Variants in INMT observed in about 807,000 individuals in gnomAD.
INMT encodes the protein indolethylamine N-methyltransferase.
Under a neutral mutation model 11.5 loss-of-function variants are expected in INMT, and 11 were observed. The ratio of observed to expected loss-of-function variants is 0.95; its 90% CI spans 0.60 to 1.58. INMT has a LOEUF of 1.58. Ranked by LOEUF, INMT falls within the 40% of genes most tolerant of loss-of-function variation. The pLI, the probability that INMT is intolerant of heterozygous loss-of-function variation, is 0.00. For synonymous variants in INMT, 155 were observed against 142.9 expected, an observed-to-expected ratio of 1.08 and a Z score of -0.60; for missense variants, 316 against 336.1, an observed-to-expected ratio of 0.94 and a Z score of 0.47.
rs1225111579 is a variant in INMT at position 30,756,298 on chromosome 7, C to T, written c.*447C>T. The T allele has an allele frequency of 2.3e-5, 20 of 858,370 alleles. No homozygotes were observed. The highest frequency in any genetic ancestry group is 5.9e-4 in the Middle Eastern group (1 of 1,690). 53.2% of individuals were successfully genotyped at this position (858,370 alleles called of 1,614,324 possible). A position where few individuals can be genotyped will look rare whatever the true frequency, so the allele number is the denominator to read the frequency against. ...TCACCCAGGCTAGAGTGCAATGGCA[C>T]GATCTCGGCTCACTGCAAGCTCTGC... On this transcript the variant is annotated 3_prime_UTR_variant, in exon 3 of 3. Coordinates refer to ENST00000013222, the MANE Select transcript of INMT (RefSeq NM_006774.5).
rs1042960019 is a variant in INMT at position 30,756,134 on chromosome 7, A to T, written c.*283A>T. 8.3e-7 allele frequency: 1 copy of T among 1,210,118 alleles called. No individual in the cohort carries two copies. The highest frequency in any genetic ancestry group is 1.5e-5 in the African/African-American group (1 of 65,700). The allele number at this position is 1,210,118 out of a possible 1,614,324, so 75.0% of individuals were successfully genotyped here. ...CTGTGTGACTGTGGAGCACCCAGGG[A>T]CGTGGTTTTAGAGTCTACCTAATAT... is the stretch of plus-strand genomic sequence containing the variant. On this transcript the variant is annotated 3_prime_UTR_variant, in exon 3 of 3. Coordinates refer to ENST00000013222, the MANE Select transcript of INMT (RefSeq NM_006774.5).
rs1178356645 is a variant in INMT, at chr7:30,754,484, T to TATCC, written c.362+568_362+571dup. On this transcript the variant is annotated intron_variant, in intron 2 of 2. Transcript: ENST00000013222. The surrounding 1 kb of genome is among the most constrained non-coding windows in gnomAD (Gnocchi z 4.9). ...ACCCACCCATCCATTCATCCATCCA[T>TATCC]ATCCATCCATCCATCCATCCATCCA... 6.6e-6 allele frequency among the ~76,000 whole-genome samples: 1 copy of TATCC among 150,466 alleles called. No individual in the cohort carries two copies. Among genetic ancestry groups the TATCC allele is most frequent in the African/African-American group, 2.5e-5 (1 of 40,772 alleles).
In INMT at chr7:30,754,964, T is replaced by C. The variant is rs1211967081; in HGVS notation, c.363-458T>C. The stretch of plus-strand genomic sequence containing the variant: ...TATATCTAAACAATCTATAATTTAG[T>C]TTTAGTCGCCTTTGAGCTTTATAGC... On this transcript the variant is annotated intron_variant, in intron 2 of 2. Transcript: ENST00000013222. The surrounding 1 kb of genome is among the most constrained non-coding windows in gnomAD (Gnocchi z 4.9). Among the ~76,000 whole-genome samples the C allele has an allele frequency of 2.0e-5, 3 of 152,218 alleles. No individual in the cohort carries two copies. Among genetic ancestry groups the C allele is most frequent in the Non-Finnish European group, 4.4e-5 (3 of 68,040 alleles).
chr7:30,755,616 T>C lies in INMT; in HGVS notation c.557T>C (p.Leu186Pro), dbSNP rs1424210202. Residue 186 changes from leucine (L) to proline (P), a missense_variant, in exon 3 of 3, where the codon CTG (leucine) becomes CCG (proline). Physicochemically the swap from Leu to Pro is moderately conservative, Grantham distance 98. Transcript: ENST00000013222. Reference protein sequence around the residue: ...YRAALCNLASLLKPGGHLVTT... With the variant: ...YRAALCNLASPLKPGGHLVTT... ...GCTGCCCTGTGCAACCTTGCCTCAC[T>C]GCTCAAGCCGGGTGGCCACCTGGTG... 1 of 1,614,260 alleles carries C rather than the reference T, an allele frequency of 6.2e-7. No individual in the cohort carries two copies. Among genetic ancestry groups the C allele is most frequent in the Admixed American group, 1.7e-5 (1 of 60,036 alleles).
Position 30,756,920 on chromosome 7 carries a change from G to C in INMT, c.*1069G>C, listed in dbSNP as rs1341086398. 1 of 152,228 alleles carries C rather than the reference G, an allele frequency of 6.6e-6. No homozygotes were observed. Among genetic ancestry groups the C allele is most frequent in the Non-Finnish European group, 1.5e-5 (1 of 68,052 alleles). The allele number at this position is 152,228 out of a possible 1,614,324, so 9.4% of individuals were successfully genotyped here. Reference sequence around the variant, plus strand: ...CACTGCCTCTAGACTAAGGTCAGCAGATTTAGCAAATACAGACTGCCCCAG... The same window carrying C: ...CACTGCCTCTAGACTAAGGTCAGCACATTTAGCAAATACAGACTGCCCCAG... On this transcript the variant is annotated 3_prime_UTR_variant, in exon 3 of 3. Transcript: ENST00000013222.
chr7:30,753,896 G>T lies in INMT; in HGVS notation c.320G>T (p.Trp107Leu), dbSNP rs200124373. 1 of 1,614,162 alleles carries T rather than the reference G, an allele frequency of 6.2e-7. No homozygotes were observed. Among genetic ancestry groups the T allele is most frequent in the Non-Finnish European group, 8.5e-7 (1 of 1,180,034 alleles). ...AAGAAGGAGCCGGGGGCCTATGACT[G>T]GACCCCAGCGGTGAAATTCGCCTGT... ...WLKKEPGAYD[W>L]TPAVKFACEL... Residue 107 changes from tryptophan to leucine, a missense_variant, in exon 2 of 3, where the codon TGG becomes TTG. Physicochemically the swap from Trp to Leu is moderately conservative, Grantham distance 61. Coordinates refer to ENST00000013222, the MANE Select transcript of INMT (RefSeq NM_006774.5).
intron 2 of INMT, 26 bp downstream of exon 2, chr7:30,753,964 G>A: frequency 6.2e-7 from 1 of 1,606,178 alleles, no homozygotes; most frequent in Non-Finnish European, 8.5e-7. Flanking sequence ...TTGGGGAGGG[G>A]GTTCCCAGTC....
chr7:30,753,328 G>A (rs562984198), intron 1 of INMT, among the ~76,000 whole-genome samples: 1 of 152,254 alleles, frequency 6.6e-6, no homozygotes, highest in South Asian at 2.1e-4. Context: ...AACTTAAAGG[G>A]CCACTGACCC....
chr7:30,756,064 T>C lies in INMT; in HGVS notation c.*213T>C. The C allele has an allele frequency of 1.4e-6, 2 of 1,390,816 alleles. No homozygotes were observed. The highest frequency in any genetic ancestry group is 3.4e-5 in the South Asian group (2 of 58,480). The allele number at this position is 1,390,816 out of a possible 1,614,324, so 86.2% of individuals were successfully genotyped here. ...ATCCTAGGAGTGGAATTTTCCATTT[T>C]CTAATATACTAAGCCTTACAGCTAT... On this transcript the variant is annotated 3_prime_UTR_variant, in exon 3 of 3. Coordinates refer to ENST00000013222, the MANE Select transcript of INMT (RefSeq NM_006774.5).
Position 30,757,359 on chromosome 7 carries a change from GA to G in INMT, c.*1509del. On this transcript the variant is annotated 3_prime_UTR_variant, in exon 3 of 3. Coordinates refer to ENST00000013222, the MANE Select transcript of INMT (RefSeq NM_006774.5). ...GTGGGCACACTGGCGCCCAGTAAGA[GA>G]GAGAGAGAGCCAAAGCTGTCCGTTT... is the stretch of plus-strand genomic sequence containing the variant. The G allele has an allele frequency of 4.2e-6, 1 of 240,728 alleles. No homozygotes were observed. Among genetic ancestry groups the G allele is most frequent in the East Asian group, 1.5e-4 (1 of 6,516 alleles). The allele number at this position is 240,728 out of a possible 1,614,324, so 14.9% of individuals were successfully genotyped here.
intron 2 of INMT, among the ~76,000 whole-genome samples, chr7:30,755,154 T>G (rs576583338): frequency 6.6e-6 from 1 of 152,222 alleles, no homozygotes; most frequent in Non-Finnish European, 1.5e-5. Flanking sequence ...GGTGGCTTTG[T>G]CCATCCTGGG....
At position 30,755,478 on chromosome 7, in the gene INMT, A is replaced by T; in HGVS notation, c.419A>T (p.Lys140Met). 1 of 1,602,126 alleles carries T rather than the reference A, an allele frequency of 6.2e-7. No homozygotes were observed. Among genetic ancestry groups the T allele is most frequent in the Non-Finnish European group, 8.5e-7 (1 of 1,179,938 alleles). The change falls in exon 3 of 3, where the codon AAG (lysine) becomes ATG (methionine). Residue 140 changes from lysine to methionine, a missense_variant. Physicochemically the swap from Lys to Met is moderately conservative, Grantham distance 95. Coordinates refer to ENST00000013222, the MANE Select transcript of INMT (RefSeq NM_006774.5). ...KLRAAVKRVL[K>M]CDVHLGNPLA... ...CGGGCAGCGGTGAAGCGGGTGCTCAAGTGCGATGTCCACCTGGGCAACCCG... is the reference window on the plus strand; with the variant it reads ...CGGGCAGCGGTGAAGCGGGTGCTCATGTGCGATGTCCACCTGGGCAACCCG...
chr7:30,755,614 A>G lies in INMT; in HGVS notation c.555A>G (p.Ser185=), dbSNP rs753401696. Residue 185 remains serine, a synonymous_variant, in exon 3 of 3, where the codon TCA becomes TCG. Transcript: ENST00000013222. The part of the protein sequence containing the change: ...AYRAALCNLA[S]LLKPGGHLVT... ...GCGCTGCCCTGTGCAACCTTGCCTCACTGCTCAAGCCGGGTGGCCACCTGG... is the reference window on the plus strand; with the variant it reads ...GCGCTGCCCTGTGCAACCTTGCCTCGCTGCTCAAGCCGGGTGGCCACCTGG... 1 of 1,614,110 alleles carries G rather than the reference A, an allele frequency of 6.2e-7. No individual in the cohort carries two copies. The highest frequency in any genetic ancestry group is 8.5e-7 in the Non-Finnish European group (1 of 1,180,018).
intron 1 of INMT, among the ~76,000 whole-genome samples, chr7:30,752,598 T>C (rs948698874): frequency 1.3e-5 from 2 of 152,074 alleles, no homozygotes; most frequent in Non-Finnish European, 2.9e-5. Flanking sequence ...GCTCTCCAGG[T>C]CATCATCAAG....
At position 30,754,036 on chromosome 7, in the gene INMT, G is replaced by T. The variant is rs897916830; in HGVS notation, c.362+98G>T. On this transcript the variant is annotated intron_variant, in intron 2 of 2. Coordinates refer to ENST00000013222, the MANE Select transcript of INMT (RefSeq NM_006774.5). This position sits in a 1 kb window ranked among gnomAD's most constrained non-coding sequence, Gnocchi z 4.9. ...TGTCTCTGACATTTTCAGGACAGTA[G>T]GACCTTCAGGTATAGGACCAGATGT... is the stretch of plus-strand genomic sequence containing the variant. 2 of 1,220,238 alleles carry T rather than the reference G, an allele frequency of 1.6e-6. No homozygotes were observed. Among genetic ancestry groups the T allele is most frequent in the Non-Finnish European group, 2.3e-6 (2 of 855,340 alleles). The allele number at this position is 1,220,238 out of a possible 1,614,324, so 75.6% of individuals were successfully genotyped here.
intron 2 of INMT, 65 bp from the exon 3 acceptor site, chr7:30,755,357 C>G (rs1321961682): frequency 7.2e-7 from 1 of 1,388,944 alleles, no homozygotes; most frequent in African/African-American, 1.4e-5. Context: ...CTGCTGGTCA[C>G]AGTGGACTGA....
intron 1 of INMT, 27 bp downstream of exon 1, chr7:30,752,331 G>C (rs774269661): frequency 6.3e-7 from 1 of 1,594,490 alleles, no homozygotes. Context: ...CCTTCCCCTT[G>C]AGCCTCTCTC....
intron 1 of INMT, among the ~76,000 whole-genome samples, chr7:30,753,253 A>G (rs2128160021): frequency 6.6e-6 from 1 of 152,286 alleles, no homozygotes. Context: ...TCCTCCAAGG[A>G]ACAAGAAACC....
chr7:30,756,022 A>G lies in INMT; in HGVS notation c.*171A>G. 2 of 1,418,042 alleles carry G rather than the reference A, an allele frequency of 1.4e-6. No homozygotes were observed. Among genetic ancestry groups the G allele is most frequent in the East Asian group, 5.0e-5 (2 of 39,670 alleles). The allele number at this position is 1,418,042 out of a possible 1,614,324, so 87.8% of individuals were successfully genotyped here. A position where few individuals can be genotyped will look rare whatever the true frequency, so the allele number is the denominator to read the frequency against. On this transcript the variant is annotated 3_prime_UTR_variant, in exon 3 of 3. Transcript: ENST00000013222. ...CTTGTTTTAGAATTCTAAGTTTCCA[A>G]CATTCCTCATTCTAGGATCCTAGGA... is the stretch of plus-strand genomic sequence containing the variant.
Sources: gnomAD v4.1 joint callset for allele counts (sites outside exome capture counted in the v4.1 genomes callset) on GRCh38, gnomAD v4.1.1 for gene constraint, Gnocchi (gnomAD v3.1) non-coding constraint, MANE v1.5 for transcripts, NCBI Gene and HGNC (gene_info 2026-07-23, HGNC 2026-07-21) for gene names.